SPOCK3: variants seen among roughly 807,000 people sequenced by gnomAD.
SPOCK3 encodes the protein SPARC (osteonectin), cwcv and kazal like domains proteoglycan 3.
A neutral mutation model predicts 56.6 loss-of-function variants in SPOCK3; 30 were observed. The observed-to-expected ratio is 0.53, with a 90% CI of 0.40 to 0.72. The LOEUF (loss-of-function observed/expected upper bound fraction) is 0.72. SPOCK3 is among the 30% of genes least tolerant of loss of function. The probability of loss-of-function intolerance (pLI) is 0.00; values close to 1 mark genes in which losing one functional copy is unlikely to be tolerated. For synonymous variants in SPOCK3, 196 were observed against 183.3 expected (o/e 1.07, Z -0.56); for missense variants, 527 against 530.0 (o/e 0.99, Z 0.06).
chr4:166,735,015 T>A lies in SPOCK3; in HGVS notation c.1208A>T (p.Asp403Val), dbSNP rs771132557. Residue 403 changes from aspartate (D) to valine (V), a missense_variant, in exon 11 of 11, where the codon GAC (aspartate) becomes GTC (valine). By Grantham distance (152) the Asp-to-Val change is radical. Coordinates refer to ENST00000357545, the MANE Select transcript of SPOCK3 (RefSeq NM_001040159.2). ...TTCATCTTCATCATTCATAATATCG[T>A]CTTCATCATCCTCATCATCAGTCCA... ...HEWTDDEDDE[D>V]DIMNDEDEIE... 2 of 1,569,388 alleles carry A rather than the reference T, an allele frequency of 1.3e-6. No individual in the cohort carries two copies. The highest frequency in any genetic ancestry group is 3.4e-5 in the Admixed American group (2 of 59,620).
At chr4:167,122,685 C>T (rs1445751392) in intron 2 of SPOCK3, among the ~76,000 whole-genome samples, 1 of 152,052 alleles carries the variant, frequency 6.6e-6, no homozygotes, top group Non-Finnish European at 1.5e-5. Flanking sequence ...TTAGAGCTGC[C>T]ATTTGAAGAG....
chr4:166,971,134 G>C (rs953895233), intron 4 of SPOCK3, among the ~76,000 whole-genome samples: 2 of 152,170 alleles, frequency 1.3e-5, no homozygotes, highest in Admixed American at 1.3e-4. Context: ...CAGAAGAAAG[G>C]TCTAGAGGTG....
At chr4:167,151,486 G>GT (rs1764417831) in intron 2 of SPOCK3, among the ~76,000 whole-genome samples, 1 of 145,622 alleles carries the variant, frequency 6.9e-6, no homozygotes, top group South Asian at 2.1e-4. Flanking sequence ...CCAGGCTGGA[G>GT]TGCAGTGGCA....
intron 4 of SPOCK3, among the ~76,000 whole-genome samples, chr4:166,981,701 G>T (rs1360326419): frequency 6.6e-6 from 1 of 152,150 alleles, no homozygotes; most frequent in African/African-American, 2.4e-5. Context: ...GTCATTCCTG[G>T]CTTGAAAGAC....
At chr4:167,097,721 C>T (rs1417176602) in intron 2 of SPOCK3, among the ~76,000 whole-genome samples, 2 of 151,810 alleles carry the variant, frequency 1.3e-5, no homozygotes, top group Admixed American at 1.3e-4. Context: ...GAAAACAAAT[C>T]ATTTCACCAA....
chr4:166,864,373 C>G (rs533349282), intron 6 of SPOCK3, among the ~76,000 whole-genome samples: 15 of 152,132 alleles, frequency 9.9e-5, no homozygotes, highest in African/African-American at 3.6e-4. Context: ...GTTAAAAGAA[C>G]TAGAGAAGCA....
rs1746728838 is a variant in SPOCK3 at position 166,982,796 on chromosome 4, A to T, written c.350+17553T>A. On this transcript the variant is annotated intron_variant, in intron 4 of 10. Coordinates refer to ENST00000357545, the MANE Select transcript of SPOCK3 (RefSeq NM_001040159.2). ...AACATGTAAAACTCAAGCCATATTT[A>T]TTTTTAGACCATTTATTAAGAACAC... Among the ~76,000 whole-genome samples, 4 of 152,200 alleles carry T rather than the reference A, an allele frequency of 2.6e-5. No individual in the cohort carries two copies. The South Asian group carries it at 8.3e-4, about 31-fold the overall frequency.
chr4:166,911,865 C>G (rs1212211659), intron 5 of SPOCK3, among the ~76,000 whole-genome samples: 1 of 152,022 alleles, frequency 6.6e-6, no homozygotes, highest in African/African-American at 2.4e-5. Flanking sequence ...TAAGCTCCTT[C>G]TAGGGACACT....
chr4:167,145,304 T>C (rs1009114635), intron 2 of SPOCK3, among the ~76,000 whole-genome samples: 3 of 152,122 alleles, frequency 2.0e-5, no homozygotes, highest in African/African-American at 7.2e-5. Flanking sequence ...TTTGGACATA[T>C]GAACTTGAAG....
intron 2 of SPOCK3, among the ~76,000 whole-genome samples, chr4:167,134,699 A>G (rs1227305118): frequency 6.6e-6 from 1 of 152,204 alleles, no homozygotes; most frequent in Admixed American, 6.5e-5. Context: ...AAGGACTTCA[A>G]AAGTCGTATT....
At chr4:167,100,513 TTCTC>T (rs1759552196) in intron 2 of SPOCK3, among the ~76,000 whole-genome samples, 1 of 150,260 alleles carries the variant, frequency 6.7e-6, no homozygotes, top group African/African-American at 2.4e-5. Flanking sequence ...ACAACCCTCA[TTCTC>T]TCTCAGAAAA....
chr4:167,217,884 A>G (rs1735522063), intron 2 of SPOCK3, among the ~76,000 whole-genome samples: 1 of 151,594 alleles, frequency 6.6e-6, no homozygotes, highest in African/African-American at 2.4e-5. Context: ...GCCATCTAGG[A>G]GGAAGTTATT....
At chr4:166,788,994 G>A (rs1416864855) in intron 7 of SPOCK3, among the ~76,000 whole-genome samples, 1 of 151,758 alleles carries the variant, frequency 6.6e-6, no homozygotes, top group Non-Finnish European at 1.5e-5. Context: ...CAATGTTATT[G>A]GATTTTTTGT....
At chr4:167,171,443 G>A (rs572665823) in intron 2 of SPOCK3, among the ~76,000 whole-genome samples, 1 of 152,138 alleles carries the variant, frequency 6.6e-6, no homozygotes, top group South Asian at 2.1e-4. Flanking sequence ...TTCCCAATGG[G>A]GAAAAATGTA....
intron 2 of SPOCK3, among the ~76,000 whole-genome samples, chr4:167,138,278 C>G (rs1043037031): frequency 2.0e-5 from 3 of 151,866 alleles, no homozygotes; most frequent in Non-Finnish European, 4.4e-5. Context: ...AACTTCAGAC[C>G]ATCTCTATTG....
chr4:167,066,590 A>C (rs1180464425), intron 2 of SPOCK3, among the ~76,000 whole-genome samples: 1 of 151,912 alleles, frequency 6.6e-6, no homozygotes, highest in African/African-American at 2.4e-5. Context: ...GTAATATTTT[A>C]TTAAGAACAC....
At chr4:167,010,023 T>C (rs1295629852) in intron 3 of SPOCK3, among the ~76,000 whole-genome samples, 1 of 152,100 alleles carries the variant, frequency 6.6e-6, no homozygotes, top group East Asian at 1.9e-4. Flanking sequence ...ATTATTAAAA[T>C]TTAACTACCA....
intron 4 of SPOCK3, among the ~76,000 whole-genome samples, chr4:166,945,229 T>A (rs1348060460): frequency 2.6e-5 from 4 of 152,146 alleles, no homozygotes; most frequent in Non-Finnish European, 5.9e-5. Context: ...ACAATTAGGA[T>A]GTAATGACTC....
chr4:167,078,484 A>G (rs145573292), intron 2 of SPOCK3, among the ~76,000 whole-genome samples: 120 of 151,774 alleles, frequency 7.9e-4, no homozygotes, highest in African/African-American at 2.8e-3. Flanking sequence ...TGGTTTTGCA[A>G]GATATATATT....
Sources: gnomAD v4.1 joint callset for allele counts (sites outside exome capture counted in the v4.1 genomes callset) on GRCh38, gnomAD v4.1.1 for gene constraint, MANE v1.5 for transcripts, NCBI Gene and HGNC (gene_info 2026-07-23, HGNC 2026-07-21) for gene names.